Variants in EXT1 observed in about 807,000 individuals in gnomAD.
EXT1 encodes exostosin glycosyltransferase 1.
A neutral mutation model predicts 82.5 loss-of-function variants in EXT1; 20 were observed. That is an observed-to-expected ratio of 0.24 (90% CI 0.17 to 0.35). The LOEUF (loss-of-function observed/expected upper bound fraction) is 0.35. Among genes scored for constraint, EXT1 ranks in the 10% least tolerant of loss-of-function variants. EXT1 has a pLI of 1.00. For synonymous variants in EXT1, 348 were observed against 350.8 expected, an observed-to-expected ratio of 0.99 and a Z score of 0.09; for missense variants, 757 against 936.5, an observed-to-expected ratio of 0.81 and a Z score of 2.50.
Position 117,853,630 on chromosome 8 carries a change from GA to G in EXT1, c.963-16430del, listed in dbSNP as rs1812492203. ...CCTTAACAACTTGATTAGAGTTAATGAAAGATACTTCAAGTTGTTCTAGTTC... is the reference window on the plus strand; with the variant it reads ...CCTTAACAACTTGATTAGAGTTAATGAAGATACTTCAAGTTGTTCTAGTTC... On this transcript the variant is annotated intron_variant, in intron 1 of 10. Coordinates refer to ENST00000378204, the MANE Select transcript of EXT1 (RefSeq NM_000127.3). Among the ~76,000 whole-genome samples, 6 of 152,312 alleles carry G rather than the reference GA, an allele frequency of 3.9e-5. No homozygotes were observed. In the South Asian group the frequency reaches 1.0e-3, roughly 26 times the overall value.
intron 1 of EXT1, among the ~76,000 whole-genome samples, chr8:117,985,956 C>T (rs943679265): frequency 6.6e-5 from 10 of 152,116 alleles, no homozygotes; most frequent in Non-Finnish European, 1.3e-4. Flanking sequence ...TAATTTGATG[C>T]TGTATTCTTA....
intron 7 of EXT1, among the ~76,000 whole-genome samples, chr8:117,817,451 A>G (rs1376606814): frequency 6.6e-6 from 1 of 152,098 alleles, no homozygotes; most frequent in East Asian, 1.9e-4. Flanking sequence ...GCACTGCTTC[A>G]CCAATCTCAA....
rs1812121971 is a variant in EXT1 at position 117,832,636 on chromosome 8, T to C, written c.1165-2287A>G. 2.0e-5 allele frequency among the ~76,000 whole-genome samples: 3 copies of C among 152,282 alleles called. No individual in the cohort carries two copies. In the South Asian group the frequency reaches 6.2e-4, roughly 32 times the overall value. On this transcript the variant is annotated intron_variant, in intron 3 of 10. Coordinates refer to ENST00000378204, the MANE Select transcript of EXT1 (RefSeq NM_000127.3). ...AAAGGAGAAAAGGAATATCACAGAC[T>C]CACCTACCAATGCTGTTCCCCTCTC...
intron 1 of EXT1, among the ~76,000 whole-genome samples, chr8:117,951,502 G>A (rs1424872927): frequency 6.6e-6 from 1 of 152,138 alleles, no homozygotes; most frequent in African/African-American, 2.4e-5. Flanking sequence ...ACTAGACCCT[G>A]GGAACACAAG....
intron 1 of EXT1, among the ~76,000 whole-genome samples, chr8:118,028,128 G>A (rs899908600): frequency 4.6e-5 from 7 of 152,212 alleles, no homozygotes; most frequent in African/African-American, 1.4e-4. Context: ...CCCTTGTGTT[G>A]AGGATAACAA....
intron 1 of EXT1, among the ~76,000 whole-genome samples, chr8:117,971,047 C>T (rs765944761): frequency 6.6e-6 from 1 of 152,196 alleles, no homozygotes; most frequent in Non-Finnish European, 1.5e-5. Context: ...GGGCACTGCA[C>T]TGCATGGAGC....
intron 1 of EXT1, among the ~76,000 whole-genome samples, chr8:118,073,106 T>C (rs1396468894): frequency 6.6e-6 from 1 of 152,226 alleles, no homozygotes; most frequent in Non-Finnish European, 1.5e-5. Context: ...TCGAAATATG[T>C]AAAAGTTGTA....
chr8:118,087,050 T>C (rs529839439), intron 1 of EXT1, among the ~76,000 whole-genome samples: 2 of 152,194 alleles, frequency 1.3e-5, no homozygotes, highest in African/African-American at 2.4e-5. Context: ...CTTGCAGCAA[T>C]GGACACACAA....
At chr8:117,856,315 C>A (rs151147439) in intron 1 of EXT1, among the ~76,000 whole-genome samples, 1 of 146,726 alleles carries the variant, frequency 6.8e-6, no homozygotes, top group African/African-American at 2.5e-5. Flanking sequence ...AGTGCAGTGG[C>A]GTGATCTCTG....
chr8:117,853,367 A>G (rs903641409), intron 1 of EXT1, among the ~76,000 whole-genome samples: 1 of 152,174 alleles, frequency 6.6e-6, no homozygotes, highest in African/African-American at 2.4e-5. Flanking sequence ...CAACATGGTG[A>G]AACCCCCTCT....
At chr8:117,861,027 C>A (rs955476662) in intron 1 of EXT1, among the ~76,000 whole-genome samples, 3 of 152,190 alleles carry the variant, frequency 2.0e-5, no homozygotes, top group Non-Finnish European at 1.5e-5. Flanking sequence ...TATCCAAACT[C>A]GACACAGGAC....
intron 4 of EXT1, 82 bp downstream of exon 4, chr8:117,830,148 A>C: frequency 6.3e-7 from 1 of 1,587,756 alleles, no homozygotes; most frequent in Non-Finnish European, 8.6e-7. Flanking sequence ...CCAATCACAC[A>C]TCCCTAATAG....
In EXT1 at chr8:118,110,428, C is replaced by G; in HGVS notation, c.619G>C (p.Val207Leu). The G allele has an allele frequency of 6.2e-7, 1 of 1,614,130 alleles. No individual in the cohort carries two copies. The highest frequency in any genetic ancestry group is 1.7e-5 in the Admixed American group (1 of 59,996). Residue 207 changes from valine to leucine, a missense_variant, in exon 1 of 11, where the codon GTG becomes CTG. Transcript: ENST00000378204. ...ATCGCCTGGCCGATGTCAAACCCCACGTCCTCGGTGTAGTCAGGCCAAGTG... is the reference window on the plus strand; with the variant it reads ...ATCGCCTGGCCGATGTCAAACCCCAGGTCCTCGGTGTAGTCAGGCCAAGTG... ...SGTWPDYTED[V>L]GFDIGQAMLA...
chr8:117,915,408 C>A lies in EXT1; in HGVS notation c.963-78207G>T, dbSNP rs191447519. Reference sequence around the variant, plus strand: ...ATTCATTTAGATCTCCCTCATTCTTCTAAAATCCTGCCTAATATTCTACCA... The same window carrying A: ...ATTCATTTAGATCTCCCTCATTCTTATAAAATCCTGCCTAATATTCTACCA... On this transcript the variant is annotated intron_variant, in intron 1 of 10. Coordinates refer to ENST00000378204, the MANE Select transcript of EXT1 (RefSeq NM_000127.3). Among the ~76,000 whole-genome samples the A allele has an allele frequency of 6.4e-3, 971 of 151,758 alleles. 12 individuals carry two copies. The highest frequency in any genetic ancestry group is 0.021 in the African/African-American group (879 of 41,440).
chr8:117,828,238 A>C (rs1015912045), intron 4 of EXT1, among the ~76,000 whole-genome samples: 3 of 152,150 alleles, frequency 2.0e-5, no homozygotes, highest in East Asian at 1.9e-4. Context: ...TTTATGCTTT[A>C]AGTGTTTTCT....
At chr8:118,102,151 C>G (rs1331447180) in intron 1 of EXT1, among the ~76,000 whole-genome samples, 3 of 151,952 alleles carry the variant, frequency 2.0e-5, no homozygotes, top group Non-Finnish European at 4.4e-5. Context: ...CCTGTAATCC[C>G]ATCTACTCGG....
At chr8:118,007,970 T>C (rs570298237) in intron 1 of EXT1, among the ~76,000 whole-genome samples, 1 of 152,296 alleles carries the variant, frequency 6.6e-6, no homozygotes, top group East Asian at 1.9e-4. Flanking sequence ...GTTTTCACTA[T>C]ATTTTGATAC....
intron 1 of EXT1, among the ~76,000 whole-genome samples, chr8:117,844,244 C>T (rs1432208904): frequency 6.6e-6 from 1 of 151,880 alleles, no homozygotes. Flanking sequence ...CCCCGACCTC[C>T]TGGGCTCAGG....
rs1823095242 is a variant in EXT1, at chr8:117,796,763, T to G, written c.*2949A>C. On this transcript the variant is annotated 3_prime_UTR_variant, in exon 11 of 11. Coordinates refer to ENST00000378204, the MANE Select transcript of EXT1 (RefSeq NM_000127.3). ...ACTATCGTGATTATTTCATGGATTT[T>G]TCTCTACAGTCTCAATTTTGAGCCA... The G allele has an allele frequency of 6.6e-6, 1 of 152,208 alleles. No individual in the cohort carries two copies. Among genetic ancestry groups the G allele is most frequent in the Non-Finnish European group, 1.5e-5 (1 of 68,038 alleles). 9.4% of individuals were successfully genotyped at this position (152,208 alleles called of 1,614,324 possible).
Sources: allele counts gnomAD v4.1 joint callset (sites outside exome capture counted in the v4.1 genomes callset), GRCh38; gene constraint gnomAD v4.1.1; transcripts MANE v1.5; gene names NCBI Gene and HGNC (gene_info 2026-07-23, HGNC 2026-07-21).